The following MROH2B variants were observed in gnomAD, a reference collection of about 807,000 sequenced individuals.
MROH2B encodes maestro heat-like repeat-containing protein family member 2B.
Under a neutral mutation model 208.6 loss-of-function variants are expected in MROH2B, and 177 were observed. That is an observed-to-expected ratio of 0.85 (90% confidence interval 0.75 to 0.96). MROH2B has a LOEUF of 0.96. Among genes scored for constraint, MROH2B ranks in the 40% least tolerant of loss-of-function variants. The probability of loss-of-function intolerance (pLI) is 0.00; values close to 1 mark genes in which losing one functional copy is unlikely to be tolerated. For missense variants in MROH2B, 2,002 were observed against 1,878.7 expected, an observed-to-expected ratio of 1.07 and a Z score of -1.21; for synonymous variants, 728 against 659.0, an observed-to-expected ratio of 1.10 and a Z score of -1.60.
chr5:41,058,186 C>A lies in MROH2B; in HGVS notation c.633G>T (p.Lys211Asn). The A allele has an allele frequency of 6.3e-7, 1 of 1,590,710 alleles. No individual in the cohort carries two copies. Among genetic ancestry groups the A allele is most frequent in the South Asian group, 1.1e-5 (1 of 87,186 alleles). The change falls in exon 7 of 42, where the codon AAG becomes AAT. Residue 211 changes from lysine to asparagine, a missense_variant. Lys to Asn is a moderately conservative substitution (Grantham distance 94, BLOSUM62 0). Transcript: ENST00000399564. ...ASPMQTLSIV[K>N]AHGPTVSLLL... The stretch of plus-strand genomic sequence containing the variant: ...GCAAGCTCACCGTGGGCCCGTGGGC[C>A]TTAACGATGCTCAAAGTCTGTACAG...
At position 41,048,411 on chromosome 5, in the gene MROH2B, G is replaced by C; in HGVS notation, c.1597C>G (p.Leu533Val). 6.2e-7 allele frequency: 1 copy of C among 1,613,618 alleles called. No individual in the cohort carries two copies. The highest frequency in any genetic ancestry group is 8.5e-7 in the Non-Finnish European group (1 of 1,179,698). Residue 533 changes from leucine to valine, a missense_variant, in exon 16 of 42, where the codon CTT becomes GTT. Leu to Val is a conservative substitution (Grantham distance 32). Transcript: ENST00000399564. Reference protein sequence around the residue: ...GELRGAGAIGLLKILPEIIHP... With the variant: ...GELRGAGAIGVLKILPEIIHP... ...ATTATCTCAGGCAGTATCTTCAAAA[G>C]CCCTATTGCACCAGCCCCACGTAAC...
chr5:41,049,867 C>T (rs1310539690), intron 13 of MROH2B, among the ~76,000 whole-genome samples: 1 of 152,166 alleles, frequency 6.6e-6, no homozygotes, highest in East Asian at 1.9e-4. Flanking sequence ...AGTGAATGGG[C>T]TGCTGCTGTC....
In MROH2B at chr5:41,049,345, A is replaced by G. The variant is rs565442512; in HGVS notation, c.1436T>C (p.Met479Thr). Residue 479 changes from methionine to threonine, a missense_variant, in exon 14 of 42, where the codon ATG (methionine) becomes ACG (threonine). Physicochemically the swap from Met to Thr is moderately conservative, Grantham distance 81. Transcript: ENST00000399564. ...ACTGTGCTGCTTCTTCTCCTCTGCC[A>G]TAATCAGAATTCTGATGATACTAAA... The part of the protein sequence containing the change: ...PLFSIIRILI[M>T]AEEKKQHSAK... The G allele has an allele frequency of 1.2e-6, 2 of 1,613,792 alleles. No individual in the cohort carries two copies. The highest frequency in any genetic ancestry group is 1.3e-5 in the African/African-American group (1 of 75,044).
rs547836339 is a variant in MROH2B, at chr5:41,043,387, C to T, written c.1837-1179G>A. ...ACTGTGTACAATACAGAAGTAAATA[C>T]GAATTGGGGACAAAGCTGCTAAAGT... On this transcript the variant is annotated intron_variant, in intron 18 of 41. Transcript: ENST00000399564. Among the ~76,000 whole-genome samples the T allele has an allele frequency of 5.3e-5, 8 of 152,156 alleles. No homozygotes were observed. The East Asian group carries it at 7.7e-4, about 15-fold the overall frequency.
chr5:40,999,934 T>C, intron 39 of MROH2B, 155 bp from the exon 40 acceptor site: 1 of 711,910 alleles, frequency 1.4e-6, no homozygotes, highest in Non-Finnish European at 2.3e-6. Context: ...GGTATTTTGA[T>C]CTACATTTAA....
At chr5:41,018,243 T>G (rs1742020470) in intron 27 of MROH2B, 98 bp downstream of exon 27, 3 of 1,248,664 alleles carry the variant, frequency 2.4e-6, no homozygotes. Context: ...CACTCTGAGA[T>G]GCACGATCCA....
chr5:41,018,248 G>A (rs1310506790), intron 27 of MROH2B, 93 bp downstream of exon 27: 15 of 1,280,138 alleles, frequency 1.2e-5, no homozygotes, highest in East Asian at 5.0e-5. Flanking sequence ...TGAGATGCAC[G>A]ATCCATCATG....
In MROH2B at chr5:41,004,360, T is replaced by A. The variant is rs1464359078; in HGVS notation, c.4180A>T (p.Thr1394Ser). 6.2e-7 allele frequency: 1 copy of A among 1,613,144 alleles called. No homozygotes were observed. The highest frequency in any genetic ancestry group is 8.5e-7 in the Non-Finnish European group (1 of 1,179,678). ...GGCTCACTTACATCTTCAAAGAAGGTCCTTGTTTGCAGCACTATTTCCTTG... is the reference window on the plus strand; with the variant it reads ...GGCTCACTTACATCTTCAAAGAAGGACCTTGTTTGCAGCACTATTTCCTTG... ...YFKEIVLQTR[T>S]FFEDEQDDVR... The change falls in exon 37 of 42, where the codon ACC becomes TCC. Residue 1394 changes from threonine to serine, a missense_variant. By Grantham distance (58) the Thr-to-Ser change is moderately conservative. Transcript: ENST00000399564.
intron 26 of MROH2B, 79 bp from the exon 27 acceptor site, chr5:41,018,509 G>A: frequency 4.0e-6 from 6 of 1,510,200 alleles, no homozygotes; most frequent in Non-Finnish European, 5.4e-6. Context: ...TTCTGTCTCT[G>A]CCTCTTTTGT....
rs760337356 is a variant in MROH2B, at chr5:41,069,674, TTC to T, written c.90+15_90+16del. On this transcript the variant is annotated intron_variant, in intron 2 of 41. Coordinates refer to ENST00000399564, the MANE Select transcript of MROH2B (RefSeq NM_173489.5). The stretch of plus-strand genomic sequence containing the variant: ...AAGACTGAAAAAGGGAAAAAGATTT[TTC>T]TCTGTTTTCCCTACCTTGTTAACAA... The T allele has an allele frequency of 9.5e-6, 15 of 1,578,994 alleles. No homozygotes were observed. The highest frequency in any genetic ancestry group is 7.1e-5 in the Admixed American group (4 of 56,410).
chr5:41,068,435 G>T (rs927773376), intron 2 of MROH2B, among the ~76,000 whole-genome samples: 1 of 151,932 alleles, frequency 6.6e-6, no homozygotes, highest in African/African-American at 2.4e-5. Flanking sequence ...TTTTATTAAC[G>T]CTCACAAGTC....
intron 30 of MROH2B, among the ~76,000 whole-genome samples, chr5:41,011,360 G>A (rs537769925): frequency 2.0e-5 from 3 of 152,216 alleles, no homozygotes; most frequent in African/African-American, 7.2e-5. Flanking sequence ...GGTCCCTATT[G>A]TAAGCCTTTA....
At chr5:41,049,508 G>A in intron 13 of MROH2B, 72 bp from the exon 14 acceptor site, 3 of 1,497,108 alleles carry the variant, frequency 2.0e-6, no homozygotes, top group Admixed American at 2.4e-5. Context: ...CTCACTGCAT[G>A]TTTTTCTCTG....
rs1743971425 is a variant in MROH2B at position 41,070,936 on chromosome 5, A to C, written c.-84T>G. The C allele has an allele frequency of 7.2e-7, 1 of 1,395,898 alleles. No homozygotes were observed. Among genetic ancestry groups the C allele is most frequent in the African/African-American group, 1.4e-5 (1 of 70,262 alleles). 86.5% of individuals were successfully genotyped at this position (1,395,898 alleles called of 1,614,324 possible). Reference sequence around the variant, plus strand: ...TAAAAAATCAAAGAGGCAGGTTGGCAAGTTTCTCATATAAGGTTCACATAA... The same window carrying C: ...TAAAAAATCAAAGAGGCAGGTTGGCCAGTTTCTCATATAAGGTTCACATAA... On this transcript the variant is annotated 5_prime_UTR_variant, in exon 1 of 42. Coordinates refer to ENST00000399564, the MANE Select transcript of MROH2B (RefSeq NM_173489.5).
intron 6 of MROH2B, among the ~76,000 whole-genome samples, chr5:41,059,020 C>T (rs1205932706): frequency 6.7e-6 from 1 of 148,628 alleles, no homozygotes; most frequent in Non-Finnish European, 1.5e-5. Context: ...TGCACTCCAG[C>T]CTGGGTGACA....
intron 26 of MROH2B, 98 bp downstream of exon 26, chr5:41,018,593 G>C: frequency 2.0e-6 from 3 of 1,479,344 alleles, no homozygotes; most frequent in Non-Finnish European, 2.8e-6. Context: ...GGTCCAGCTG[G>C]ATGTCTTCAT....
rs912473549 is a variant in MROH2B, at chr5:41,009,850, C to T, written c.3293+72G>A. ...CTTTGTTTGCTATCTTGCTCTCAAA[C>T]CGTAAATCCCTCCCCAGTGCCTTTC... On this transcript the variant is annotated intron_variant, in intron 31 of 41. Coordinates refer to ENST00000399564, the MANE Select transcript of MROH2B (RefSeq NM_173489.5). 2.4e-5 allele frequency: 36 copies of T among 1,469,906 alleles called. No homozygotes were observed. In the African/African-American group the frequency reaches 4.6e-4, roughly 19 times the overall value. The allele number at this position is 1,469,906 out of a possible 1,614,324, so 91.1% of individuals were successfully genotyped here.
intron 24 of MROH2B, among the ~76,000 whole-genome samples, chr5:41,024,407 T>G (rs956413341): frequency 1.3e-5 from 2 of 151,748 alleles, no homozygotes; most frequent in Non-Finnish European, 2.9e-5. Flanking sequence ...AAAACAGACT[T>G]TAAACCAAAA....
At chr5:41,006,090 C>G (rs1251851974) in intron 34 of MROH2B, among the ~76,000 whole-genome samples, 2 of 150,928 alleles carry the variant, frequency 1.3e-5, no homozygotes, top group Non-Finnish European at 3.0e-5. Context: ...GAAAGCCCAC[C>G]AAGGCTTAAA....
Sources: gnomAD v4.1 joint callset for allele counts (sites outside exome capture counted in the v4.1 genomes callset) on GRCh38, gnomAD v4.1.1 for gene constraint, MANE v1.5 for transcripts, NCBI Gene and HGNC (gene_info 2026-07-23, HGNC 2026-07-21) for gene names.